AFF1: variants seen among roughly 807,000 people sequenced by gnomAD.
AFF1 encodes the protein AF4/FMR2 family member 1.
In AFF1, 48 loss-of-function variants were observed where a neutral mutation model predicts 121.7. The observed-to-expected ratio is 0.39, with a 90% CI of 0.31 to 0.50. AFF1 has a LOEUF of 0.50. Ranked by LOEUF, AFF1 falls within the 20% of genes least tolerant of loss-of-function variation. The pLI is 0.76. For missense variants in AFF1, 1,523 were observed against 1,511.7 expected, an observed-to-expected ratio of 1.01 and a Z score of -0.12; for synonymous variants, 613 against 563.0, an observed-to-expected ratio of 1.09 and a Z score of -1.26.
At chr4:86,996,384 A>G (rs1725197792) in intron 2 of AFF1, among the ~76,000 whole-genome samples, 2 of 151,842 alleles carry the variant, frequency 1.3e-5, no homozygotes, top group Admixed American at 6.6e-5. Flanking sequence ...GTACTAAGAA[A>G]AATTCTTCTG....
Position 87,134,678 on chromosome 4 carries a change from C to T in AFF1, c.3519C>T (p.Leu1173=), listed in dbSNP as rs1033594652. 4 of 1,613,376 alleles carry T rather than the reference C, an allele frequency of 2.5e-6. No homozygotes were observed. The South Asian group carries it at 4.4e-5, about 18-fold the overall frequency. ...ACCTTTGGGAACAGGCCGAGGCCCTCACGAGGAAGAATAAAGGTAAATAAA... is the reference window on the plus strand; with the variant it reads ...ACCTTTGGGAACAGGCCGAGGCCCTTACGAGGAAGAATAAAGGTAAATAAA... ...AFDLWEQAEA[L]TRKNKEFFAR... is the part of the protein sequence containing the mutation. Residue 1173 remains leucine (L), a synonymous_variant, in exon 20 of 21, where the codon CTC becomes CTT. Transcript: ENST00000395146.
intron 2 of AFF1, among the ~76,000 whole-genome samples, chr4:86,969,879 C>CAAAAAAA (rs70953629): frequency 0.02 from 1,248 of 63,542 alleles, 168 homozygotes; most frequent in African/African-American, 0.063. Flanking sequence ...GACTCCGTCT[C>CAAAAAAA]AAAAAAAAAA....
At chr4:87,019,647 G>A (rs977991092) in intron 2 of AFF1, among the ~76,000 whole-genome samples, 2 of 152,236 alleles carry the variant, frequency 1.3e-5, no homozygotes, top group African/African-American at 4.8e-5. Flanking sequence ...AGGGAGAGTG[G>A]TGTGCCCAGG....
At chr4:87,042,425 C>T (rs571583522) in intron 2 of AFF1, among the ~76,000 whole-genome samples, 3 of 152,306 alleles carry the variant, frequency 2.0e-5, no homozygotes, top group East Asian at 1.9e-4. Context: ...CCTGCCTCTT[C>T]GGTCTTCCTC....
chr4:87,061,648 A>C (rs560923060), intron 4 of AFF1, among the ~76,000 whole-genome samples: 1 of 152,352 alleles, frequency 6.6e-6, no homozygotes, highest in African/African-American at 2.4e-5. Flanking sequence ...GGCAGGGTGC[A>C]TGTGCTGTCT....
rs397994396 is a variant in AFF1, at chr4:87,115,625, T to TTTTTTTTTTTTTTTTTTTTTTTTTTC, written c.2466+326_2466+327insTTTTTTTTTTTTTTTTTTTTTTTTTC. On this transcript the variant is annotated intron_variant, in intron 12 of 20. Coordinates refer to ENST00000395146, the MANE Select transcript of AFF1 (RefSeq NM_001166693.3). The stretch of plus-strand genomic sequence containing the variant: ...AACCCACCTCTTTTTTTTTTTTTTT[T>TTTTTTTTTTTTTTTTTTTTTTTTTTC]CCAAAGACAGGCCCTTGCTCTGTTG... Among the ~76,000 whole-genome samples the TTTTTTTTTTTTTTTTTTTTTTTTTTC allele has an allele frequency of 2.9e-5, 3 of 102,970 alleles. 1 individual carries two copies. Among genetic ancestry groups the TTTTTTTTTTTTTTTTTTTTTTTTTTC allele is most frequent in the Non-Finnish European group, 5.9e-5 (3 of 50,944 alleles). 67.6% of individuals were successfully genotyped at this position (102,970 alleles called of 152,430 possible).
At chr4:87,098,861 G>C (rs1207751783) in intron 8 of AFF1, among the ~76,000 whole-genome samples, 1 of 152,204 alleles carries the variant, frequency 6.6e-6, no homozygotes, top group Non-Finnish European at 1.5e-5. Context: ...AAAGACTGTT[G>C]CCAAGTTAGT....
At chr4:87,129,340 G>A (rs1189617246) in intron 16 of AFF1, among the ~76,000 whole-genome samples, 2 of 152,222 alleles carry the variant, frequency 1.3e-5, no homozygotes, top group African/African-American at 4.8e-5. Flanking sequence ...CAACTGATGA[G>A]TGATGAGGGA....
intron 8 of AFF1, among the ~76,000 whole-genome samples, chr4:87,098,473 CTG>C (rs1159209333): frequency 1.3e-5 from 2 of 152,148 alleles, no homozygotes; most frequent in Admixed American, 6.5e-5. Context: ...TGTACAGTAA[CTG>C]TGACCTTCAT....
In AFF1 at chr4:87,114,571, G is replaced by GCCCCCC; in HGVS notation, c.1742_1743insCCCCCC (p.Pro581_Pro582dup). The GCCCCCC allele has an allele frequency of 8.8e-6, 14 of 1,597,228 alleles. No homozygotes were observed. Among genetic ancestry groups the GCCCCCC allele is most frequent in the Non-Finnish European group, 1.1e-5 (13 of 1,170,510 alleles). On this transcript the variant is annotated inframe_insertion, in exon 12 of 21. Coordinates refer to ENST00000395146, the MANE Select transcript of AFF1 (RefSeq NM_001166693.3). ...TAAAAGCTCCAGCAAAGCCCCCCGGGCCCCACCCGAAGCCCCCCACCCCGG... is the reference window on the plus strand; with the variant it reads ...TAAAAGCTCCAGCAAAGCCCCCCGGGCCCCCCCCCCACCCGAAGCCCCCCACCCCGG...
chr4:87,016,332 C>T (rs1727295187), intron 2 of AFF1, among the ~76,000 whole-genome samples: 1 of 151,804 alleles, frequency 6.6e-6, no homozygotes, highest in Non-Finnish European at 1.5e-5. Flanking sequence ...TGATTTTATT[C>T]GAGGTCAGGA....
Position 87,127,113 on chromosome 4 carries a change from G to T in AFF1, c.2899G>T (p.Asp967Tyr). The T allele has an allele frequency of 6.2e-7, 1 of 1,604,432 alleles. No individual in the cohort carries two copies. The highest frequency in any genetic ancestry group is 1.1e-5 in the South Asian group (1 of 90,908). Residue 967 changes from aspartate (D) to tyrosine (Y), a missense_variant, in exon 15 of 21, where the codon GAC becomes TAC. Asp to Tyr is a radical substitution (Grantham distance 160). Transcript: ENST00000395146. ...SKPGKPQVKF[D>Y]KQQADLHMRE... ...ACCAGGGAAGCCTCAAGTGAAGTTT[G>T]ACAAGTAAGACTTCAGATGATTTCT...
intron 2 of AFF1, among the ~76,000 whole-genome samples, chr4:86,971,404 T>A (rs951766797): frequency 5.3e-5 from 8 of 152,248 alleles, no homozygotes; most frequent in African/African-American, 1.7e-4. Flanking sequence ...TTTCTAGAAT[T>A]CTGAGTCAGT....
At chr4:87,124,616 G>T (rs150695598) in intron 12 of AFF1, among the ~76,000 whole-genome samples, 32 of 152,146 alleles carry the variant, frequency 2.1e-4, no homozygotes, top group African/African-American at 7.5e-4. Context: ...TTAAGTGGAT[G>T]GTTCTTTCGA....
At chr4:87,003,787 AAAT>A (rs1725895632) in intron 2 of AFF1, among the ~76,000 whole-genome samples, 1 of 152,204 alleles carries the variant, frequency 6.6e-6, no homozygotes, top group South Asian at 2.1e-4. Context: ...AGCCACCAAA[AAAT>A]TATTGAGAGT....
Position 87,131,152 on chromosome 4 carries a change from A to T in AFF1, c.3034A>T (p.Thr1012Ser). The change falls in exon 17 of 21, where the codon ACA becomes TCA. Residue 1012 changes from threonine to serine, a missense_variant. By Grantham distance (58) the Thr-to-Ser change is moderately conservative. Transcript: ENST00000395146. ...VLSFIECGIA[T>S]ESESQSSKSA... ...GTCCTTCATTGAGTGCGGAATTGCCACAGAGTCTGAAAGCCAGTCATCCAA... is the reference window on the plus strand; with the variant it reads ...GTCCTTCATTGAGTGCGGAATTGCCTCAGAGTCTGAAAGCCAGTCATCCAA... 1 of 1,614,212 alleles carries T rather than the reference A, an allele frequency of 6.2e-7. No individual in the cohort carries two copies. The highest frequency in any genetic ancestry group is 8.5e-7 in the Non-Finnish European group (1 of 1,180,036).
At chr4:87,133,753 C>T (rs1334838713) in intron 19 of AFF1, among the ~76,000 whole-genome samples, 1 of 152,228 alleles carries the variant, frequency 6.6e-6, no homozygotes, top group African/African-American at 2.4e-5. Context: ...TGCCGCTGAA[C>T]CATCATCTTT....
Position 86,955,021 on chromosome 4 carries a change from G to A in AFF1, c.38+6450G>A, listed in dbSNP as rs540619870. Among the ~76,000 whole-genome samples the A allele has an allele frequency of 1.5e-3, 221 of 152,214 alleles. 1 individual carries two copies. The highest frequency in any genetic ancestry group is 2.2e-3 in the Non-Finnish European group (151 of 68,006). On this transcript the variant is annotated intron_variant, in intron 2 of 20. Transcript: ENST00000395146. ...CCATCAACTTCTCATAGTCTAAGAT[G>A]ATAATGTAATTATCCTTTTTGTTCC...
In AFF1 at chr4:87,134,666, G is replaced by A. The variant is rs1176234389; in HGVS notation, c.3507G>A (p.Gln1169=). ...TTACCGCCTTTGACCTTTGGGAACA[G>A]GCCGAGGCCCTCACGAGGAAGAATA... is the stretch of plus-strand genomic sequence containing the variant. ...HVLTAFDLWE[Q]AEALTRKNKE... is the part of the protein sequence containing the mutation. Residue 1169 remains glutamine (Q), a synonymous_variant, in exon 20 of 21, where the codon CAG becomes CAA. Coordinates refer to ENST00000395146, the MANE Select transcript of AFF1 (RefSeq NM_001166693.3). The A allele has an allele frequency of 5.0e-6, 8 of 1,614,050 alleles. No homozygotes were observed. The highest frequency in any genetic ancestry group is 5.9e-6 in the Non-Finnish European group (7 of 1,179,984).
Sources: gnomAD v4.1 joint callset for allele counts (sites outside exome capture counted in the v4.1 genomes callset) on GRCh38, gnomAD v4.1.1 for gene constraint, MANE v1.5 for transcripts, NCBI Gene and HGNC (gene_info 2026-07-23, HGNC 2026-07-21) for gene names.